Variants in SNTG2 observed in about 807,000 individuals in gnomAD.
SNTG2 encodes gamma-2-syntrophin.
SNTG2 carries 74 observed loss-of-function variants against 70.9 expected under a neutral mutation model. That is an observed-to-expected ratio of 1.04 (90% confidence interval 0.86 to 1.27). The LOEUF (loss-of-function observed/expected upper bound fraction) is 1.27. SNTG2 is among the 50% of genes most tolerant of loss of function. The pLI is 0.00. For missense variants in SNTG2, 717 were observed against 690.7 expected, an observed-to-expected ratio of 1.04 and a Z score of -0.43; for synonymous variants, 278 against 273.8, an observed-to-expected ratio of 1.02 and a Z score of -0.15.
chr2:1,224,368 T>C (rs1675615826), intron 9 of SNTG2, among the ~76,000 whole-genome samples: 1 of 152,234 alleles, frequency 6.6e-6, no homozygotes, highest in Admixed American at 6.5e-5. Flanking sequence ...TTTTTTCTTC[T>C]ATCTGTGCCT....
At chr2:1,134,482 T>A (rs1055242309) in intron 4 of SNTG2, among the ~76,000 whole-genome samples, 2 of 149,116 alleles carry the variant, frequency 1.3e-5, no homozygotes, top group African/African-American at 4.9e-5. Flanking sequence ...CTCCATCAGG[T>A]AGCTAGATAC....
chr2:1,216,524 T>G (rs7604308), intron 9 of SNTG2, among the ~76,000 whole-genome samples: 27,568 of 152,144 alleles, frequency 0.18, 4,957 homozygotes, highest in African/African-American at 0.47. Context: ...ACTCTGATGG[T>G]AGTTTCTTTT....
At chr2:1,355,961 A>C (rs1387447789) in intron 16 of SNTG2, among the ~76,000 whole-genome samples, 1 of 152,180 alleles carries the variant, frequency 6.6e-6, no homozygotes, top group Non-Finnish European at 1.5e-5. Flanking sequence ...ATGCCTTTTC[A>C]TGTTTGCTGG....
In SNTG2 at chr2:1,134,892, G is replaced by A. The variant is rs116606933; in HGVS notation, c.326-2730G>A. 1.9e-3 allele frequency among the ~76,000 whole-genome samples: 288 copies of A among 152,326 alleles called. 1 individual carries two copies. The highest frequency in any genetic ancestry group is 6.8e-3 in the African/African-American group (282 of 41,584). On this transcript the variant is annotated intron_variant, in intron 4 of 16. Coordinates refer to ENST00000308624, the MANE Select transcript of SNTG2 (RefSeq NM_018968.4). ...CGCGGGGAGGCAGCTAAGGCCCCGAGAGAAATCAAGCGCAACACCGGTGGG... is the reference window on the plus strand; with the variant it reads ...CGCGGGGAGGCAGCTAAGGCCCCGAAAGAAATCAAGCGCAACACCGGTGGG...
At chr2:1,091,833 A>G (rs1349137486) in intron 2 of SNTG2, among the ~76,000 whole-genome samples, 2 of 152,350 alleles carry the variant, frequency 1.3e-5, no homozygotes, top group African/African-American at 2.4e-5. Flanking sequence ...AATATGCACA[A>G]GAGTTTTCAA....
chr2:1,263,437 T>C (rs1281187959), intron 13 of SNTG2, among the ~76,000 whole-genome samples: 1 of 152,184 alleles, frequency 6.6e-6, no homozygotes, highest in Non-Finnish European at 1.5e-5. Flanking sequence ...CCTTTATTGT[T>C]GCTATAATTG....
At chr2:1,252,800 T>C (rs1285370178) in intron 12 of SNTG2, among the ~76,000 whole-genome samples, 1 of 152,198 alleles carries the variant, frequency 6.6e-6, no homozygotes, top group Admixed American at 6.5e-5. Flanking sequence ...AAAAAAGCTG[T>C]AAAAGCATTT....
intron 15 of SNTG2, among the ~76,000 whole-genome samples, chr2:1,309,072 G>C (rs1274736171): frequency 6.6e-6 from 1 of 152,142 alleles, no homozygotes; most frequent in East Asian, 1.9e-4. Flanking sequence ...TGCTTTGTGA[G>C]GACAATCCAC....
intron 4 of SNTG2, among the ~76,000 whole-genome samples, chr2:1,117,243 G>T (rs573913474): frequency 1.3e-5 from 2 of 152,192 alleles, no homozygotes; most frequent in South Asian, 4.1e-4. Context: ...AATTCCAAAG[G>T]CACTTTAAGG....
chr2:1,267,681 T>A, intron 14 of SNTG2, 110 bp downstream of exon 14: 1 of 1,006,628 alleles, frequency 9.9e-7, no homozygotes, highest in Non-Finnish European at 1.5e-6. Flanking sequence ...CTTCAGAAGG[T>A]GAGAATCTTT....
intron 9 of SNTG2, among the ~76,000 whole-genome samples, chr2:1,219,227 C>T (rs968283104): frequency 2.0e-5 from 3 of 152,160 alleles, no homozygotes; most frequent in Non-Finnish European, 4.4e-5. Context: ...CTTTGCCTTC[C>T]GCCATGATTG....
chr2:1,047,300 A>T (rs1661794567), intron 1 of SNTG2, among the ~76,000 whole-genome samples: 1 of 152,186 alleles, frequency 6.6e-6, no homozygotes, highest in Non-Finnish European at 1.5e-5. Context: ...CTTTGTCCTG[A>T]ATCCTGATGA....
chr2:1,002,350 G>A (rs1040108370), intron 1 of SNTG2, among the ~76,000 whole-genome samples: 2 of 152,020 alleles, frequency 1.3e-5, no homozygotes, highest in South Asian at 2.1e-4. Context: ...TTTGCAAACT[G>A]CATTTAGTGA....
intron 4 of SNTG2, among the ~76,000 whole-genome samples, chr2:1,134,699 G>A (rs892390736): frequency 4.6e-5 from 7 of 152,156 alleles, no homozygotes; most frequent in East Asian, 1.9e-4. Flanking sequence ...AGGTGGAGCC[G>A]CCTGCCAGTC....
chr2:1,296,105 G>GTCT (rs1558186253), intron 14 of SNTG2, among the ~76,000 whole-genome samples: 2 of 152,238 alleles, frequency 1.3e-5, no homozygotes, highest in East Asian at 3.9e-4. Context: ...GTAGAAGGCT[G>GTCT]AGTCTCCTGT....
In SNTG2 at chr2:976,164, A is replaced by G. The variant is rs546757515; in HGVS notation, c.72+25096A>G. Among the ~76,000 whole-genome samples, 4 of 152,356 alleles carry G rather than the reference A, an allele frequency of 2.6e-5. No homozygotes were observed. The East Asian group carries it at 5.8e-4, about 22-fold the overall frequency. The stretch of plus-strand genomic sequence containing the variant: ...TGAATCTGGAGTTTGTGGTGTGCTT[A>G]TCAACAGAATAATTAGAAGCAATTC... On this transcript the variant is annotated intron_variant, in intron 1 of 16. Transcript: ENST00000308624.
At chr2:1,267,807 G>C (rs1678828797) in intron 14 of SNTG2, among the ~76,000 whole-genome samples, 1 of 152,210 alleles carries the variant, frequency 6.6e-6, no homozygotes, top group Non-Finnish European at 1.5e-5. Context: ...TGTCTACATT[G>C]AATGTGAGGA....
At chr2:1,207,276 G>A (rs1673692807) in intron 8 of SNTG2, among the ~76,000 whole-genome samples, 1 of 152,238 alleles carries the variant, frequency 6.6e-6, no homozygotes, top group South Asian at 2.1e-4. Flanking sequence ...GGGTAACCAT[G>A]AATGAATATC....
At chr2:1,197,015 A>G (rs1415553269) in intron 8 of SNTG2, among the ~76,000 whole-genome samples, 1 of 152,208 alleles carries the variant, frequency 6.6e-6, no homozygotes, top group East Asian at 1.9e-4. Flanking sequence ...GAAAACCACC[A>G]AACTGCAATG....
Sources: gnomAD v4.1 joint callset for allele counts (sites outside exome capture counted in the v4.1 genomes callset) on GRCh38, gnomAD v4.1.1 for gene constraint, MANE v1.5 for transcripts, NCBI Gene and HGNC (gene_info 2026-07-23, HGNC 2026-07-21) for gene names.